The following RUNDC3B variants were observed in gnomAD, a reference collection of about 807,000 sequenced individuals.
RUNDC3B encodes the protein RUN domain-containing protein 3B.
A neutral mutation model predicts 58.4 loss-of-function variants in RUNDC3B; 33 were observed. That is an observed-to-expected ratio of 0.56 (90% CI 0.43 to 0.75). RUNDC3B has a LOEUF of 0.75. Ranked by LOEUF, RUNDC3B falls within the 30% of genes least tolerant of loss-of-function variation. The pLI, the probability that RUNDC3B is intolerant of heterozygous loss-of-function variation, is 0.00. For synonymous variants in RUNDC3B, 193 were observed against 195.2 expected (o/e 0.99, Z 0.10); for missense variants, 501 against 535.7 (o/e 0.94, Z 0.64).
chr7:87,804,143 G>C (rs10266417), intron 8 of RUNDC3B, among the ~76,000 whole-genome samples: 7,372 of 152,134 alleles, frequency 0.048, 266 homozygotes, highest in East Asian at 0.092. Context: ...AGATCTTTTC[G>C]AATGAGGTAG....
chr7:87,761,174 A>G (rs1433540093), intron 6 of RUNDC3B, among the ~76,000 whole-genome samples: 1 of 151,986 alleles, frequency 6.6e-6, no homozygotes, highest in Non-Finnish European at 1.5e-5. Flanking sequence ...AAGGACTTAA[A>G]TAAACATTTC....
At chr7:87,684,480 A>G (rs1827242586) in intron 2 of RUNDC3B, among the ~76,000 whole-genome samples, 1 of 152,112 alleles carries the variant, frequency 6.6e-6, no homozygotes, top group Non-Finnish European at 1.5e-5. Flanking sequence ...TTATACGTAT[A>G]GATAAATAGA....
chr7:87,816,496 T>C (rs1449147901), intron 10 of RUNDC3B, among the ~76,000 whole-genome samples: 1 of 152,146 alleles, frequency 6.6e-6, no homozygotes, highest in Admixed American at 6.6e-5. Flanking sequence ...TCCTGTACTT[T>C]TTTTTACCCC....
At chr7:87,742,991 G>A (rs1335664903) in intron 6 of RUNDC3B, among the ~76,000 whole-genome samples, 1 of 152,080 alleles carries the variant, frequency 6.6e-6, no homozygotes, top group African/African-American at 2.4e-5. Flanking sequence ...GCACGCGCCT[G>A]TAGTCCCCAC....
At chr7:87,785,718 C>T (rs1162692303) in intron 8 of RUNDC3B, among the ~76,000 whole-genome samples, 2 of 152,150 alleles carry the variant, frequency 1.3e-5, no homozygotes, top group Non-Finnish European at 2.9e-5. Context: ...AGTAGGGGCT[C>T]CAGTCACTCA....
At chr7:87,645,494 TAA>T (rs1328651604) in intron 1 of RUNDC3B, among the ~76,000 whole-genome samples, 1 of 152,202 alleles carries the variant, frequency 6.6e-6, no homozygotes, top group Non-Finnish European at 1.5e-5. Context: ...ATCTTAATTA[TAA>T]GTCTCTTTTA....
At chr7:87,678,970 T>C (rs1212116708) in intron 2 of RUNDC3B, among the ~76,000 whole-genome samples, 1 of 151,942 alleles carries the variant, frequency 6.6e-6, no homozygotes. Context: ...ATCTACATTA[T>C]ACTTAGCAAT....
chr7:87,675,653 CAA>C (rs200136132), intron 2 of RUNDC3B, among the ~76,000 whole-genome samples: 4,889 of 65,514 alleles, frequency 0.075, 89 homozygotes, highest in East Asian at 0.13. Flanking sequence ...TATTCACATG[CAA>C]AAAAAAAAAA....
At chr7:87,717,362 A>G (rs1830611806) in intron 4 of RUNDC3B, among the ~76,000 whole-genome samples, 3 of 152,118 alleles carry the variant, frequency 2.0e-5, no homozygotes, top group African/African-American at 7.2e-5. Flanking sequence ...CAATAAAGCA[A>G]AAAATAAACA....
intron 4 of RUNDC3B, among the ~76,000 whole-genome samples, chr7:87,728,616 C>T (rs1831388137): frequency 6.6e-6 from 1 of 152,150 alleles, no homozygotes; most frequent in Non-Finnish European, 1.5e-5. Context: ...TGAGGCTGAT[C>T]CTCTCACTTC....
intron 2 of RUNDC3B, among the ~76,000 whole-genome samples, chr7:87,655,263 T>G (rs1168943051): frequency 9.2e-5 from 14 of 152,284 alleles, no homozygotes; most frequent in Non-Finnish European, 2.1e-4. Context: ...AAGAGTTATC[T>G]CTACTCCCAT....
At chr7:87,791,997 C>G (rs1835545909) in intron 8 of RUNDC3B, among the ~76,000 whole-genome samples, 1 of 151,902 alleles carries the variant, frequency 6.6e-6, no homozygotes, top group African/African-American at 2.4e-5. Flanking sequence ...AAGATACACA[C>G]AGAATGAAAA....
At chr7:87,629,276 C>T (rs533167118) in intron 1 of RUNDC3B, 133 of 245,372 alleles carry the variant, frequency 5.4e-4, no homozygotes, top group Admixed American at 1.3e-3. Context: ...CATTTAATGC[C>T]CATTCAGCTG....
intron 1 of RUNDC3B, among the ~76,000 whole-genome samples, chr7:87,629,944 T>C (rs1275407964): frequency 6.6e-6 from 1 of 151,816 alleles, no homozygotes; most frequent in East Asian, 1.9e-4. Context: ...AAGAACTATT[T>C]ATAGTAAGCC....
intron 2 of RUNDC3B, among the ~76,000 whole-genome samples, chr7:87,675,824 A>G (rs1826298668): frequency 6.6e-6 from 1 of 152,120 alleles, no homozygotes. Context: ...AATATAGGGG[A>G]AAAGCTAATT....
chr7:87,816,666 A>G (rs1334103776), intron 10 of RUNDC3B, among the ~76,000 whole-genome samples: 1 of 152,162 alleles, frequency 6.6e-6, no homozygotes, highest in African/African-American at 2.4e-5. Flanking sequence ...TGAATCACTC[A>G]TGGTACCTGG....
Position 87,735,756 on chromosome 7 carries a change from A to G in RUNDC3B, c.459-4035A>G, listed in dbSNP as rs1031317429. On this transcript the variant is annotated intron_variant, in intron 4 of 10. Coordinates refer to ENST00000394654, the MANE Select transcript of RUNDC3B (RefSeq NM_001134405.2). ...AGAATGCCTTACTTAATGACTTTCC[A>G]AAGTTGGGCTTTCCTTCCATTTGTC... Among the ~76,000 whole-genome samples, 12 of 152,260 alleles carry G rather than the reference A, an allele frequency of 7.9e-5. No individual in the cohort carries two copies. In the South Asian group the frequency reaches 2.5e-3, roughly 32 times the overall value.
intron 8 of RUNDC3B, among the ~76,000 whole-genome samples, chr7:87,800,849 G>A (rs1374743775): frequency 6.6e-6 from 1 of 152,014 alleles, no homozygotes; most frequent in African/African-American, 2.4e-5. Context: ...GGTTCTCACT[G>A]TGTTGTCCAG....
chr7:87,823,922 C>T (rs1264205968), intron 10 of RUNDC3B, among the ~76,000 whole-genome samples: 1 of 151,750 alleles, frequency 6.6e-6, no homozygotes, highest in African/African-American at 2.4e-5. Context: ...CCTTGCAAAA[C>T]TAATTTTAAA....
Sources: allele counts gnomAD v4.1 joint callset (sites outside exome capture counted in the v4.1 genomes callset), GRCh38; gene constraint gnomAD v4.1.1; transcripts MANE v1.5; gene names NCBI Gene and HGNC (gene_info 2026-07-23, HGNC 2026-07-21).